Variants in DLGAP2 observed in about 807,000 individuals in gnomAD.
The protein encoded by DLGAP2 is DLG associated protein 2, also known as disks large-associated protein 2.
A neutral mutation model predicts 100.3 loss-of-function variants in DLGAP2; 26 were observed. The ratio of observed to expected loss-of-function variants is 0.26; its 90% CI spans 0.19 to 0.36. The LOEUF (loss-of-function observed/expected upper bound fraction) is 0.36, where lower values mean the gene tolerates loss of function less well. Among genes scored for constraint, DLGAP2 ranks in the 10% least tolerant of loss-of-function variants. The probability of loss-of-function intolerance (pLI) is 1.00; values close to 1 mark genes in which losing one functional copy is unlikely to be tolerated. For synonymous variants in DLGAP2, 886 were observed against 630.1 expected, an observed-to-expected ratio of 1.41 and a Z score of -6.08; for missense variants, 1,858 against 1,453.2, an observed-to-expected ratio of 1.28 and a Z score of -4.53.
At chr8:1,490,249 A>G (rs1799341770) in intron 3 of DLGAP2, among the ~76,000 whole-genome samples, 1 of 152,190 alleles carries the variant, frequency 6.6e-6, no homozygotes, top group Admixed American at 6.5e-5. Context: ...CATTTGCACA[A>G]TACCCAGAAC....
intron 5 of DLGAP2, among the ~76,000 whole-genome samples, chr8:1,561,525 C>A (rs1802160898): frequency 6.6e-6 from 1 of 152,130 alleles, no homozygotes; most frequent in Non-Finnish European, 1.5e-5. Context: ...CCCATCCTGT[C>A]CAACCCTCTC....
At chr8:1,057,434 G>A (rs1366039994) in intron 2 of DLGAP2, among the ~76,000 whole-genome samples, 1 of 152,164 alleles carries the variant, frequency 6.6e-6, no homozygotes, top group Non-Finnish European at 1.5e-5. Flanking sequence ...TCACATTAGG[G>A]TTATGCACAC....
chr8:757,668 A>G (rs958579702), intron 1 of DLGAP2, among the ~76,000 whole-genome samples: 4 of 152,212 alleles, frequency 2.6e-5, no homozygotes, highest in South Asian at 2.1e-4. Flanking sequence ...GTACGGGACC[A>G]TATCTGAGAT....
chr8:790,723 T>C (rs1324015489), intron 1 of DLGAP2, among the ~76,000 whole-genome samples: 1 of 152,238 alleles, frequency 6.6e-6, no homozygotes, highest in East Asian at 1.9e-4. Context: ...TTTCTCATTT[T>C]CACCTTCATG....
intron 3 of DLGAP2, among the ~76,000 whole-genome samples, chr8:1,413,442 T>A (rs1163191093): frequency 6.6e-6 from 1 of 152,124 alleles, no homozygotes; most frequent in African/African-American, 2.4e-5. Context: ...TAAGTCCAAT[T>A]TAAGGGCAAG....
chr8:1,349,442 A>T (rs1032822859), intron 3 of DLGAP2, among the ~76,000 whole-genome samples: 1 of 94,926 alleles, frequency 1.1e-5, no homozygotes, highest in East Asian at 3.5e-4. Context: ...GAGGGGAACT[A>T]TCGTCAGCCT....
At chr8:1,453,659 C>A (rs975886000) in intron 3 of DLGAP2, among the ~76,000 whole-genome samples, 1 of 152,182 alleles carries the variant, frequency 6.6e-6, no homozygotes, top group South Asian at 2.1e-4. Flanking sequence ...CCACCATCCA[C>A]CCAGCCGAAC....
intron 6 of DLGAP2, among the ~76,000 whole-genome samples, chr8:1,587,473 G>A (rs2130659695): frequency 6.6e-6 from 1 of 152,144 alleles, no homozygotes; most frequent in African/African-American, 2.4e-5. Flanking sequence ...CCTATTTGTT[G>A]TTTCATTCTT....
rs528736692 is a variant in DLGAP2 at position 933,170 on chromosome 8, C to T, written c.73+25204C>T. Among the ~76,000 whole-genome samples the T allele has an allele frequency of 4.7e-4, 72 of 152,354 alleles. 2 individuals are homozygous for T. Among genetic ancestry groups the T allele is most frequent in the Admixed American group, 3.4e-3 (52 of 15,304 alleles). On this transcript the variant is annotated intron_variant, in intron 2 of 14. Transcript: ENST00000637795. Reference sequence around the variant, plus strand: ...AAGGAAGCTTTGGCTTATGGGTGGTCGGGTTGTGACGGGAATTCAGGCCTC... The same window carrying T: ...AAGGAAGCTTTGGCTTATGGGTGGTTGGGTTGTGACGGGAATTCAGGCCTC...
At chr8:1,569,080 C>T (rs1485973118) in intron 6 of DLGAP2, among the ~76,000 whole-genome samples, 5 of 149,380 alleles carry the variant, frequency 3.3e-5, no homozygotes, top group African/African-American at 7.4e-5. Context: ...GACACAAATC[C>T]GTCTCTGCCC....
intron 1 of DLGAP2, among the ~76,000 whole-genome samples, chr8:882,751 G>T (rs1027975362): frequency 1.3e-5 from 2 of 150,712 alleles, no homozygotes; most frequent in Non-Finnish European, 3.0e-5. Flanking sequence ...CTGATCCAGC[G>T]GTACCTCTCC....
At chr8:1,061,754 G>C (rs1007005418) in intron 2 of DLGAP2, among the ~76,000 whole-genome samples, 74 of 152,100 alleles carry the variant, frequency 4.9e-4, no homozygotes, top group African/African-American at 1.6e-3. Context: ...TCCCCGGTGA[G>C]GACTTTCTCG....
intron 3 of DLGAP2, among the ~76,000 whole-genome samples, chr8:1,289,880 G>C (rs1358170678): frequency 2.0e-5 from 3 of 152,216 alleles, no homozygotes; most frequent in Admixed American, 2.0e-4. Context: ...AGATATTTAA[G>C]ATGATTTGTA....
intron 8 of DLGAP2, among the ~76,000 whole-genome samples, chr8:1,641,673 T>A (rs970089406): frequency 2.6e-5 from 4 of 152,126 alleles, no homozygotes; most frequent in African/African-American, 7.2e-5. Flanking sequence ...AGTGAGGACT[T>A]CCACATTGTT....
At chr8:1,203,121 AGTTCGTTTGTTT>A (rs745523018) in intron 2 of DLGAP2, among the ~76,000 whole-genome samples, 32 of 151,120 alleles carry the variant, frequency 2.1e-4, no homozygotes, top group Non-Finnish European at 3.4e-4. Context: ...TTTGTTTGTT[AGTTCGTTTGTTT>A]GTTCGTTTGT....
chr8:914,675 G>T (rs1037626636), intron 2 of DLGAP2, among the ~76,000 whole-genome samples: 6 of 152,214 alleles, frequency 3.9e-5, no homozygotes, highest in Non-Finnish European at 7.3e-5. Context: ...CCCAGAGCAG[G>T]TTAATGTACG....
chr8:832,831 G>A (rs1021784555), intron 1 of DLGAP2, among the ~76,000 whole-genome samples: 1 of 152,190 alleles, frequency 6.6e-6, no homozygotes, highest in Non-Finnish European at 1.5e-5. Context: ...GCTGAGCAGC[G>A]AAGACACTGT....
chr8:1,112,166 T>C (rs1316432054), intron 2 of DLGAP2, among the ~76,000 whole-genome samples: 2 of 152,268 alleles, frequency 1.3e-5, no homozygotes, highest in South Asian at 4.1e-4. Flanking sequence ...TAAATGATAT[T>C]TAAGTTTTTT....
intron 2 of DLGAP2, among the ~76,000 whole-genome samples, chr8:1,203,043 G>A (rs1563250920): frequency 6.6e-6 from 1 of 152,156 alleles, no homozygotes; most frequent in African/African-American, 2.4e-5. Context: ...CCACATCCAC[G>A]CCGGTTCCGT....
Sources: gnomAD v4.1 joint callset for allele counts (sites outside exome capture counted in the v4.1 genomes callset) on GRCh38, gnomAD v4.1.1 for gene constraint, MANE v1.5 for transcripts, NCBI Gene and HGNC (gene_info 2026-07-23, HGNC 2026-07-21) for gene names.